INKA2: variants seen among roughly 807,000 people sequenced by gnomAD.
INKA2 encodes PAK4-inhibitor INKA2.
In INKA2, 3 loss-of-function variants were observed where a neutral mutation model predicts 9.8. The observed-to-expected ratio is 0.31, with a 90% CI of 0.14 to 0.79. INKA2 has a LOEUF of 0.79. Ranked by LOEUF, INKA2 falls within the 30% of genes least tolerant of loss-of-function variation. The pLI is 0.62. For synonymous variants in INKA2, 147 were observed against 143.3 expected, an observed-to-expected ratio of 1.03 and a Z score of -0.18; for missense variants, 392 against 384.4, an observed-to-expected ratio of 1.02 and a Z score of -0.17.
chr1:111,723,351 C>T lies in INKA2; in HGVS notation c.*3617G>A. ...GAGGGGCGGGGCACAAGGGAAGTGT[C>T]TGAGGGAGAGGGAAAAGAGAGGTCC... On this transcript the variant is annotated 3_prime_UTR_variant, in exon 2 of 2. Transcript: ENST00000357260. 2.1e-6 allele frequency: 1 copy of T among 470,200 alleles called. No individual in the cohort carries two copies. Among genetic ancestry groups the T allele is most frequent in the Non-Finnish European group, 3.7e-6 (1 of 267,398 alleles). 29.1% of individuals were successfully genotyped at this position (470,200 alleles called of 1,614,324 possible).
intron 1 of INKA2, among the ~76,000 whole-genome samples, chr1:111,737,901 G>A (rs959226168): frequency 6.6e-6 from 1 of 152,202 alleles, no homozygotes; most frequent in Non-Finnish European, 1.5e-5. Flanking sequence ...AACACCTGCA[G>A]TTTCAAACTC....
At chr1:111,730,074 G>A (rs1268440352) in intron 1 of INKA2, among the ~76,000 whole-genome samples, 3 of 152,228 alleles carry the variant, frequency 2.0e-5, no homozygotes, top group Non-Finnish European at 4.4e-5. Flanking sequence ...AGCAACAAGG[G>A]ACAAGGAGCC....
intron 1 of INKA2, 81 bp from the exon 2 acceptor site, chr1:111,727,885 C>T (rs373184710): frequency 8.0e-6 from 11 of 1,368,028 alleles, no homozygotes; most frequent in Non-Finnish European, 1.0e-5. Context: ...TTAGGTCCCC[C>T]ACCCAAACAT....
intron 1 of INKA2, among the ~76,000 whole-genome samples, chr1:111,729,923 G>A (rs1662868906): frequency 2.6e-5 from 4 of 152,386 alleles, no homozygotes; most frequent in Middle Eastern, 3.4e-3. Context: ...TTGAGGGCAA[G>A]GAGGCCTTTG....
chr1:111,730,298 T>C (rs1041779710), intron 1 of INKA2, among the ~76,000 whole-genome samples: 2 of 152,328 alleles, frequency 1.3e-5, no homozygotes, highest in Non-Finnish European at 1.5e-5. Flanking sequence ...CCAGTGCCAC[T>C]TTCCTTGTCT....
exon 1 of INKA2, chr1:111,755,742 T>C: frequency 6.2e-7 from 1 of 1,613,930 alleles, no homozygotes; most frequent in Non-Finnish European, 8.5e-7. Flanking sequence ...GGGGCTTTCC[T>C]CAGGCCACAT....
At chr1:111,737,509 C>A (rs150830420) in intron 1 of INKA2, among the ~76,000 whole-genome samples, 6 of 152,310 alleles carry the variant, frequency 3.9e-5, no homozygotes, top group East Asian at 1.9e-4. Context: ...CCATTAGATT[C>A]TTTTCTCTGC....
At chr1:111,752,184 G>A (rs1355409994) in intron 1 of INKA2, among the ~76,000 whole-genome samples, 1 of 152,226 alleles carries the variant, frequency 6.6e-6, no homozygotes, top group Non-Finnish European at 1.5e-5. Flanking sequence ...TGGGATCTTT[G>A]TGGATCAGGG....
At chr1:111,737,232 G>A (rs1328288332) in intron 1 of INKA2, among the ~76,000 whole-genome samples, 1 of 152,196 alleles carries the variant, frequency 6.6e-6, no homozygotes, top group Non-Finnish European at 1.5e-5. Flanking sequence ...TCAGGCATTG[G>A]GGGCTCAAGT....
chr1:111,733,284 A>G (rs1157099229), intron 1 of INKA2, among the ~76,000 whole-genome samples: 1 of 152,126 alleles, frequency 6.6e-6, no homozygotes, highest in East Asian at 1.9e-4. Context: ...ACACATCTTA[A>G]ACTGAAAGCT....
chr1:111,725,425 G>GC lies in INKA2; in HGVS notation c.*1542dup, dbSNP rs1034504397. On this transcript the variant is annotated 3_prime_UTR_variant, in exon 2 of 2. Transcript: ENST00000357260. ...CTTCCCAGGGCAGTCCTGGGGGGGG[G>GC]CCTGGATCACTAGGTGGCCCTCCTG... The GC allele has an allele frequency of 0.012, 1,863 of 152,124 alleles. 25 individuals carry two copies. Among genetic ancestry groups the GC allele is most frequent in the Middle Eastern group, 0.041 (12 of 294 alleles). The allele number at this position is 152,124 out of a possible 1,614,324, so 9.4% of individuals were successfully genotyped here.
At chr1:111,732,685 C>T (rs1393383446) in intron 1 of INKA2, among the ~76,000 whole-genome samples, 1 of 152,002 alleles carries the variant, frequency 6.6e-6, no homozygotes, top group Non-Finnish European at 1.5e-5. Context: ...CTGTGAAAAG[C>T]CAGGAAAGGT....
At chr1:111,734,994 C>T (rs149671377) in intron 1 of INKA2, among the ~76,000 whole-genome samples, 1,600 of 152,346 alleles carry the variant, frequency 0.011, 12 homozygotes, top group Non-Finnish European at 0.017. Flanking sequence ...CACTTACCAG[C>T]TCTATGACTT....
rs1284770377 is a variant in INKA2 at position 111,722,535 on chromosome 1, T to C, written c.*4433A>G. The C allele has an allele frequency of 6.5e-6, 1 of 152,700 alleles. No homozygotes were observed. Among genetic ancestry groups the C allele is most frequent in the Non-Finnish European group, 1.5e-5 (1 of 68,360 alleles). The allele number at this position is 152,700 out of a possible 1,614,324, so 9.5% of individuals were successfully genotyped here. On this transcript the variant is annotated 3_prime_UTR_variant, in exon 2 of 2. Coordinates refer to ENST00000357260, the MANE Select transcript of INKA2 (RefSeq NM_019099.5). ...AGCTAGGGTGTAGGGAGTGGGAATG[T>C]TTCCTAGAGCAGGTCCTTAGGCAGT... is the stretch of plus-strand genomic sequence containing the variant.
At chr1:111,752,365 C>A (rs66481529) in intron 1 of INKA2, among the ~76,000 whole-genome samples, 19,672 of 152,272 alleles carry the variant, frequency 0.13, 1,414 homozygotes, top group Admixed American at 0.18. Flanking sequence ...TAGCACCCTG[C>A]ACTTTATACA....
chr1:111,729,732 G>A (rs1662863521), intron 1 of INKA2, among the ~76,000 whole-genome samples: 1 of 152,244 alleles, frequency 6.6e-6, no homozygotes, highest in African/African-American at 2.4e-5. Flanking sequence ...CCCAGAAGGT[G>A]GAGGGATCCG....
At chr1:111,752,203 C>T (rs1344521421) in intron 1 of INKA2, among the ~76,000 whole-genome samples, 2 of 152,216 alleles carry the variant, frequency 1.3e-5, no homozygotes, top group African/African-American at 4.8e-5. Flanking sequence ...GGCTGTTTAT[C>T]AGTCCTGCTT....
chr1:111,729,710 C>T (rs1332894136), intron 1 of INKA2, among the ~76,000 whole-genome samples: 1 of 152,214 alleles, frequency 6.6e-6, no homozygotes, highest in Non-Finnish European at 1.5e-5. Context: ...TGTCTTAATG[C>T]ACAGGGCTAA....
intron 1 of INKA2, among the ~76,000 whole-genome samples, chr1:111,730,170 T>G (rs1426358120): frequency 2.6e-5 from 4 of 152,182 alleles, no homozygotes; most frequent in African/African-American, 9.7e-5. Flanking sequence ...TTGGAAGCAC[T>G]CAGCTACAGC....
Sources: gnomAD v4.1 joint callset for allele counts (sites outside exome capture counted in the v4.1 genomes callset) on GRCh38, gnomAD v4.1.1 for gene constraint, MANE v1.5 for transcripts, NCBI Gene and HGNC (gene_info 2026-07-23, HGNC 2026-07-21) for gene names.